ANKRD36: variants seen among roughly 807,000 people sequenced by gnomAD.
The protein encoded by ANKRD36 is ankyrin repeat domain 36.
A neutral mutation model predicts 278.1 loss-of-function variants in ANKRD36; 179 were observed. The ratio of observed to expected loss-of-function variants is 0.64; its 90% CI spans 0.57 to 0.73. The LOEUF (loss-of-function observed/expected upper bound fraction) is 0.73. ANKRD36 is among the 30% of genes least tolerant of loss of function. ANKRD36 has a pLI of 0.00. For missense variants in ANKRD36, 1,159 were observed against 1,956.7 expected, an observed-to-expected ratio of 0.59 and a Z score of 7.69; for synonymous variants, 320 against 641.1, an observed-to-expected ratio of 0.50 and a Z score of 7.57.
Position 97,245,710 on chromosome 2 carries a change from T to TTG in ANKRD36, c.5046_5047dup (p.Glu1683ValfsTer8). Reference sequence around the variant, plus strand: ...GCTCTGAAAGAAAAGGCTTTGGTTTTTGAACACGTGCAAAGTGAGCTAAAG... The same window carrying TTG: ...GCTCTGAAAGAAAAGGCTTTGGTTTTTGTGAACACGTGCAAAGTGAGCTAAAG... On this transcript the variant is annotated frameshift_variant, in exon 71 of 76. Coordinates refer to ENST00000420699, the MANE Select transcript of ANKRD36 (RefSeq NM_001354587.1). LOFTEE classifies it high-confidence loss of function. The TTG allele has an allele frequency of 8.1e-7, 1 of 1,233,776 alleles. No homozygotes were observed. Among genetic ancestry groups the TTG allele is most frequent in the South Asian group, 1.6e-5 (1 of 60,870 alleles). The allele number at this position is 1,233,776 out of a possible 1,614,324, so 76.4% of individuals were successfully genotyped here.
chr2:97,172,550 T>C (rs1055962251), intron 22 of ANKRD36, among the ~76,000 whole-genome samples: 1 of 151,964 alleles, frequency 6.6e-6, no homozygotes, highest in African/African-American at 2.4e-5. Flanking sequence ...TGATTGCACC[T>C]GTTTCCCCCT....
intron 52 of ANKRD36, among the ~76,000 whole-genome samples, chr2:97,206,736 G>C (rs753568564): frequency 2.6e-5 from 4 of 151,424 alleles, no homozygotes; most frequent in Non-Finnish European, 4.4e-5. Flanking sequence ...AGGAACTGCT[G>C]GAAGAAGGAA....
intron 52 of ANKRD36, 58 bp downstream of exon 52, chr2:97,206,193 T>TC: frequency 4.1e-6 from 6 of 1,456,610 alleles, no homozygotes; most frequent in Non-Finnish European, 4.6e-6. Flanking sequence ...GAAGTTCTCT[T>TC]CCCCAAGTAA....
chr2:97,204,628 A>G (rs962452005), intron 50 of ANKRD36, among the ~76,000 whole-genome samples: 4 of 151,528 alleles, frequency 2.6e-5, no homozygotes, highest in Admixed American at 6.6e-5. Flanking sequence ...CACTGCCAAG[A>G]AAAGACAGAA....
intron 66 of ANKRD36, among the ~76,000 whole-genome samples, chr2:97,221,609 A>G (rs1385350004): frequency 4.3e-4 from 63 of 146,450 alleles, no homozygotes; most frequent in African/African-American, 1.6e-3. Context: ...TCCTTCACCC[A>G]CTTTTTGATG....
chr2:97,230,034 TG>T (rs1247679794), intron 67 of ANKRD36, among the ~76,000 whole-genome samples: 6 of 152,144 alleles, frequency 3.9e-5, no homozygotes, highest in African/African-American at 1.4e-4. Flanking sequence ...CTTCCCTTTG[TG>T]GGCAACCTGA....
At chr2:97,199,057 C>T (rs1449679481) in intron 44 of ANKRD36, among the ~76,000 whole-genome samples, 7 of 151,898 alleles carry the variant, frequency 4.6e-5, no homozygotes, top group Admixed American at 2.0e-4. Flanking sequence ...AACCCGTAGA[C>T]ACTGTAGGAG....
At position 97,146,532 on chromosome 2, in the gene ANKRD36, T is replaced by C. The variant is rs1429143138; in HGVS notation, c.1034+16T>C. ...GTTTAAACAGGTATGATTTTACAGA[T>C]TTTTTAAAGTGATATGTTAACTTAG... On this transcript the variant is annotated intron_variant, in intron 11 of 75. Coordinates refer to ENST00000420699, the MANE Select transcript of ANKRD36 (RefSeq NM_001354587.1). The C allele has an allele frequency of 6.6e-7, 1 of 1,508,286 alleles. No homozygotes were observed. Among genetic ancestry groups the C allele is most frequent in the African/African-American group, 1.4e-5 (1 of 72,008 alleles). 93.4% of individuals were successfully genotyped at this position (1,508,286 alleles called of 1,614,324 possible).
intron 10 of ANKRD36, 91 bp downstream of exon 10, chr2:97,144,803 G>A: frequency 6.9e-7 from 1 of 1,446,674 alleles, no homozygotes; most frequent in Admixed American, 2.3e-5. Flanking sequence ...CATTGAAGCT[G>A]CGCATTCTGA....
At chr2:97,117,647 T>C (rs1331278736) in intron 1 of ANKRD36, among the ~76,000 whole-genome samples, 1 of 152,028 alleles carries the variant, frequency 6.6e-6, no homozygotes, top group Non-Finnish European at 1.5e-5. Context: ...ATCATTTTAC[T>C]TAATTAAAAT....
intron 30 of ANKRD36, among the ~76,000 whole-genome samples, chr2:97,186,910 G>A (rs1036970075): frequency 7.2e-5 from 11 of 151,804 alleles, no homozygotes; most frequent in African/African-American, 2.2e-4. Context: ...CACATTTGTC[G>A]TGATCACTTG....
At position 97,213,387 on chromosome 2, in the gene ANKRD36, A is replaced by G. The variant is rs558357659; in HGVS notation, c.3470-32A>G. Reference sequence around the variant, plus strand: ...ATGGATAACTTTATCATATTTACATATGAGTGATTATGTATCCCTTTTGCT... The same window carrying G: ...ATGGATAACTTTATCATATTTACATGTGAGTGATTATGTATCCCTTTTGCT... On this transcript the variant is annotated intron_variant, in intron 58 of 75. Transcript: ENST00000420699. 111 of 475,504 alleles carry G rather than the reference A, an allele frequency of 2.3e-4. No homozygotes were observed. The African/African-American group carries it at 2.9e-3, about 13-fold the overall frequency. 29.5% of individuals were successfully genotyped at this position (475,504 alleles called of 1,614,324 possible).
At chr2:97,209,975 A>T (rs879923970) in intron 56 of ANKRD36, 103 bp downstream of exon 56, 1 of 1,448,478 alleles carries the variant, frequency 6.9e-7, no homozygotes, top group Non-Finnish European at 9.2e-7. Flanking sequence ...GCACATTCTG[A>T]TTCAGCAGTC....
intron 6 of ANKRD36, among the ~76,000 whole-genome samples, chr2:97,135,417 A>G (rs148846030): frequency 0.013 from 1,921 of 152,166 alleles, 44 homozygotes; most frequent in African/African-American, 0.045. Flanking sequence ...AAGTAGATCA[A>G]TTGTAACAAT....
At chr2:97,204,159 T>A in intron 49 of ANKRD36, 32 bp from the exon 50 acceptor site, 1 of 1,573,444 alleles carries the variant, frequency 6.4e-7, no homozygotes, top group Admixed American at 1.9e-5. Context: ...CATACTTTAT[T>A]AATTTATTAT....
chr2:97,150,967 T>C (rs941928648), intron 12 of ANKRD36, among the ~76,000 whole-genome samples: 1 of 152,144 alleles, frequency 6.6e-6, no homozygotes, highest in Admixed American at 6.5e-5. Context: ...ATGTGTTATT[T>C]TATAGTAAAC....
intron 3 of ANKRD36, among the ~76,000 whole-genome samples, chr2:97,120,479 T>G (rs1248397849): frequency 1.4e-5 from 2 of 145,038 alleles, no homozygotes; most frequent in Admixed American, 6.9e-5. Flanking sequence ...ATAAAAAAAT[T>G]AGGTTACAAT....
At chr2:97,180,629 G>C (rs2055902661) in intron 24 of ANKRD36, among the ~76,000 whole-genome samples, 1 of 151,586 alleles carries the variant, frequency 6.6e-6, no homozygotes. Context: ...CACATGTTTT[G>C]TTGACTTTAC....
At chr2:97,211,855 C>T (rs1428186415) in intron 58 of ANKRD36, 114 bp downstream of exon 58, 2 of 1,297,104 alleles carry the variant, frequency 1.5e-6, no homozygotes, top group Non-Finnish European at 2.1e-6. Flanking sequence ...TTCAGTATTC[C>T]TGAGATTATT....
Sources: gnomAD v4.1 joint callset for allele counts (sites outside exome capture counted in the v4.1 genomes callset) on GRCh38, gnomAD v4.1.1 for gene constraint, MANE v1.5 for transcripts, NCBI Gene and HGNC (gene_info 2026-07-23, HGNC 2026-07-21) for gene names.